LSM14A: variants seen among roughly 807,000 people sequenced by gnomAD.
LSM14A encodes protein LSM14 homolog A.
A neutral mutation model predicts 52.4 loss-of-function variants in LSM14A; 14 were observed. The ratio of observed to expected loss-of-function variants is 0.27; its 90% CI spans 0.18 to 0.42. LSM14A has a LOEUF of 0.42. Ranked by LOEUF, LSM14A falls within the 10% of genes least tolerant of loss-of-function variation. LSM14A has a pLI of 1.00. For synonymous variants in LSM14A, 185 were observed against 200.3 expected (o/e 0.92, Z 0.64); for missense variants, 417 against 581.8 (o/e 0.72, Z 2.91).
intron 9 of LSM14A, among the ~76,000 whole-genome samples, chr19:34,225,278 C>T (rs2073281797): frequency 6.6e-6 from 1 of 152,096 alleles, no homozygotes; most frequent in Non-Finnish European, 1.5e-5. Context: ...TTGAATAATC[C>T]TTTCATCTGC....
chr19:34,178,387 T>C lies in LSM14A; in HGVS notation c.121+5624T>C, dbSNP rs75493319. Among the ~76,000 whole-genome samples the C allele has an allele frequency of 1.4e-3, 211 of 152,314 alleles. 2 individuals are homozygous for C. In the East Asian group the frequency reaches 0.02, roughly 14 times the overall value. On this transcript the variant is annotated intron_variant, in intron 1 of 9. Transcript: ENST00000544216. The stretch of plus-strand genomic sequence containing the variant: ...TTGATCCTCGGAACCTAAGCATATG[T>C]CAAGAAGTCATAAAGGCAACCTAGA...
intron 3 of LSM14A, among the ~76,000 whole-genome samples, chr19:34,199,054 A>T (rs972493314): frequency 6.6e-6 from 1 of 152,212 alleles, no homozygotes; most frequent in Non-Finnish European, 1.5e-5. Context: ...TCTTAGTAGG[A>T]TATATTCTAA....
At chr19:34,184,919 A>G (rs1368583039) in intron 1 of LSM14A, among the ~76,000 whole-genome samples, 1 of 152,222 alleles carries the variant, frequency 6.6e-6, no homozygotes, top group Admixed American at 6.5e-5. Context: ...AGAATTAGCC[A>G]CATGTAGAGG....
At chr19:34,197,440 T>C (rs967040847) in intron 3 of LSM14A, among the ~76,000 whole-genome samples, 10 of 137,038 alleles carry the variant, frequency 7.3e-5, no homozygotes, top group African/African-American at 2.7e-4. Context: ...TCTTTTTTTT[T>C]TTTTTTTTTT....
chr19:34,192,558 G>T (rs890951933), intron 1 of LSM14A, among the ~76,000 whole-genome samples: 2 of 138,576 alleles, frequency 1.4e-5, no homozygotes, highest in African/African-American at 5.3e-5. Context: ...TCAAACTCCT[G>T]ACCTCAAGTG....
chr19:34,180,578 GTC>G (rs1308223958), intron 1 of LSM14A, among the ~76,000 whole-genome samples: 1 of 152,154 alleles, frequency 6.6e-6, no homozygotes, highest in African/African-American at 2.4e-5. Flanking sequence ...TAGGTGCTCA[GTC>G]TCTCTAGTAG....
intron 4 of LSM14A, among the ~76,000 whole-genome samples, chr19:34,211,220 C>T (rs942412613): frequency 1.3e-5 from 2 of 151,488 alleles, no homozygotes; most frequent in East Asian, 2.0e-4. Flanking sequence ...GGTGGGAGAA[C>T]CCGGGAGGCA....
In LSM14A at chr19:34,215,618, G is replaced by A. The variant is rs1335674454; in HGVS notation, c.738G>A (p.Arg246=). 4.3e-6 allele frequency: 7 copies of A among 1,613,722 alleles called. No individual in the cohort carries two copies. The highest frequency in any genetic ancestry group is 3.3e-5 in the Admixed American group (2 of 59,986). Residue 246 remains arginine, a synonymous_variant, in exon 6 of 10, where the codon AGG becomes AGA. Transcript: ENST00000544216. ...HRRAEVHKVS[R]PENEQLRNDN... is the part of the protein sequence containing the mutation. Reference sequence around the variant, plus strand: ...TAGCTGAAGTACACAAAGTTTCAAGGCCAGAAAATGAGCAACTCAGAAATG... The same window carrying A: ...TAGCTGAAGTACACAAAGTTTCAAGACCAGAAAATGAGCAACTCAGAAATG...
intron 9 of LSM14A, 85 bp downstream of exon 9, chr19:34,221,823 G>A (rs1006833819): frequency 1.3e-6 from 2 of 1,495,280 alleles, no homozygotes; most frequent in Non-Finnish European, 1.8e-6. Context: ...TGTTTTGGGT[G>A]AATTGTTTTG....
At chr19:34,223,490 A>G (rs909944737) in intron 9 of LSM14A, among the ~76,000 whole-genome samples, 3 of 152,186 alleles carry the variant, frequency 2.0e-5, no homozygotes, top group Admixed American at 2.0e-4. Flanking sequence ...TGATCTCATC[A>G]TCTTCCTTCT....
intron 9 of LSM14A, among the ~76,000 whole-genome samples, chr19:34,225,156 A>G (rs765998807): frequency 2.6e-5 from 4 of 152,356 alleles, no homozygotes; most frequent in Non-Finnish European, 5.9e-5. Context: ...ACATGGAGCC[A>G]TAGTGGGCTT....
chr19:34,186,520 C>G (rs1460676268), intron 1 of LSM14A, among the ~76,000 whole-genome samples: 2 of 152,286 alleles, frequency 1.3e-5, no homozygotes, highest in Non-Finnish European at 1.5e-5. Flanking sequence ...TCCTTAATCC[C>G]TTGGGCCAAT....
chr19:34,225,170 G>A (rs2073276089), intron 9 of LSM14A, among the ~76,000 whole-genome samples: 1 of 152,198 alleles, frequency 6.6e-6, no homozygotes, highest in African/African-American at 2.4e-5. Context: ...TGGGCTTGAA[G>A]TAATTGCTTG....
rs1007855128 is a variant in LSM14A at position 34,228,482 on chromosome 19, C to T, written c.*1094C>T. 6.8e-6 allele frequency: 1 copy of T among 146,598 alleles called. No homozygotes were observed. Among genetic ancestry groups the T allele is most frequent in the African/African-American group, 2.4e-5 (1 of 40,898 alleles). The allele number at this position is 146,598 out of a possible 1,614,324, so 9.1% of individuals were successfully genotyped here. On this transcript the variant is annotated 3_prime_UTR_variant, in exon 10 of 10. Coordinates refer to ENST00000544216, the MANE Select transcript of LSM14A (RefSeq NM_015578.4). ...CTGGAATTTAGTCATGATACCTTGA[C>T]TCATTCCATCATATTTCAAGAGGAT...
At chr19:34,210,465 T>G (rs1343186967) in intron 4 of LSM14A, among the ~76,000 whole-genome samples, 1 of 152,096 alleles carries the variant, frequency 6.6e-6, no homozygotes, top group East Asian at 1.9e-4. Context: ...AGAGATGTGG[T>G]TTCGTGATGT....
intron 1 of LSM14A, among the ~76,000 whole-genome samples, chr19:34,191,919 C>T (rs2070407612): frequency 6.6e-6 from 1 of 152,152 alleles, no homozygotes; most frequent in Non-Finnish European, 1.5e-5. Flanking sequence ...TGCTAAAGTA[C>T]TGTTTGGCCA....
intron 9 of LSM14A, among the ~76,000 whole-genome samples, chr19:34,225,647 C>T (rs2073302488): frequency 6.6e-6 from 1 of 152,132 alleles, no homozygotes; most frequent in Admixed American, 6.6e-5. Flanking sequence ...TCTACGCTAC[C>T]ACACTCACAT....
At chr19:34,193,759 A>G (rs1238321283) in intron 1 of LSM14A, among the ~76,000 whole-genome samples, 2 of 152,198 alleles carry the variant, frequency 1.3e-5, no homozygotes, top group Admixed American at 1.3e-4. Context: ...CTGTGTCCCA[A>G]AGGTCAATAC....
At chr19:34,184,733 G>A (rs117481441) in intron 1 of LSM14A, among the ~76,000 whole-genome samples, 3 of 152,230 alleles carry the variant, frequency 2.0e-5, no homozygotes, top group Non-Finnish European at 4.4e-5. Flanking sequence ...TGGGGTTTAG[G>A]TTACAGATTG....
Sources: gnomAD v4.1 joint callset for allele counts (sites outside exome capture counted in the v4.1 genomes callset) on GRCh38, gnomAD v4.1.1 for gene constraint, MANE v1.5 for transcripts, NCBI Gene and HGNC (gene_info 2026-07-23, HGNC 2026-07-21) for gene names.